The following SFXN5 variants were observed in gnomAD, a reference collection of about 807,000 sequenced individuals.
SFXN5 encodes sideroflexin-5.
Under a neutral mutation model 50.2 loss-of-function variants are expected in SFXN5, and 43 were observed. That is an observed-to-expected ratio of 0.86 (90% CI 0.67 to 1.11). SFXN5 has a LOEUF of 1.11. SFXN5 is among the 50% of genes least tolerant of loss of function. SFXN5 has a pLI of 0.00. For missense variants in SFXN5, 463 were observed against 454.1 expected (o/e 1.02, Z -0.18); for synonymous variants, 203 against 185.8 (o/e 1.09, Z -0.75).
intron 10 of SFXN5, among the ~76,000 whole-genome samples, chr2:72,985,645 G>T (rs1671827952): frequency 6.6e-6 from 1 of 152,146 alleles, no homozygotes; most frequent in Non-Finnish European, 1.5e-5. Flanking sequence ...GCCAGAGGAA[G>T]AAGCCACAAA....
intron 10 of SFXN5, among the ~76,000 whole-genome samples, chr2:72,987,678 C>G (rs1574041665): frequency 6.6e-6 from 1 of 152,198 alleles, no homozygotes; most frequent in East Asian, 2.0e-4. Context: ...TTGCTTGAAG[C>G]TGGGAGGTGG....
rs761177267 is a variant in SFXN5 at position 73,058,613 on chromosome 2, G to C, written c.103-17C>G. On this transcript the variant is annotated splice_polypyrimidine_tract_variant and intron_variant, in intron 1 of 13. Coordinates refer to ENST00000272433, the MANE Select transcript of SFXN5 (RefSeq NM_144579.3). Reference sequence around the variant, plus strand: ...GAAGGACGTCTGAAGAAGAGGATGAGAGAGAAGAGTGAATGGATCAGCTGC... The same window carrying C: ...GAAGGACGTCTGAAGAAGAGGATGACAGAGAAGAGTGAATGGATCAGCTGC... The C allele has an allele frequency of 1.2e-6, 2 of 1,612,520 alleles. No homozygotes were observed. The highest frequency in any genetic ancestry group is 1.7e-6 in the Non-Finnish European group (2 of 1,178,592).
chr2:73,000,417 G>T lies in SFXN5; in HGVS notation c.468+14C>A. Reference sequence around the variant, plus strand: ...CCTGAACCCCACCACTGGGGAGAGGGCAGTGATGCTCACCTTGGTCGCATT... The same window carrying T: ...CCTGAACCCCACCACTGGGGAGAGGTCAGTGATGCTCACCTTGGTCGCATT... On this transcript the variant is annotated intron_variant, in intron 8 of 13. Coordinates refer to ENST00000272433, the MANE Select transcript of SFXN5 (RefSeq NM_144579.3). The T allele has an allele frequency of 6.4e-7, 1 of 1,554,442 alleles. No individual in the cohort carries two copies. The highest frequency in any genetic ancestry group is 8.7e-7 in the Non-Finnish European group (1 of 1,148,128).
chr2:73,050,894 G>A (rs932805475), intron 2 of SFXN5, among the ~76,000 whole-genome samples: 7 of 151,962 alleles, frequency 4.6e-5, no homozygotes, highest in Non-Finnish European at 1.0e-4. Flanking sequence ...GAATTGTTTC[G>A]CTCTTCTTAC....
intron 2 of SFXN5, among the ~76,000 whole-genome samples, chr2:73,044,798 A>AT (rs1680107645): frequency 3.3e-5 from 5 of 152,146 alleles, no homozygotes; most frequent in Non-Finnish European, 1.5e-5. Flanking sequence ...CCCTCCATGT[A>AT]TTTGAGAGGG....
At chr2:73,022,643 GA>G in intron 4 of SFXN5, 67 bp from the exon 5 acceptor site, 2 of 459,790 alleles carry the variant, frequency 4.3e-6, no homozygotes, top group East Asian at 6.3e-5. Context: ...GGGGAAGGGG[GA>G]GGGAGGAGGG....
chr2:72,960,704 C>T lies in SFXN5; in HGVS notation c.945+427G>A, dbSNP rs533709642. Among the ~76,000 whole-genome samples the T allele has an allele frequency of 1.3e-5, 2 of 152,316 alleles. No individual in the cohort carries two copies. Among genetic ancestry groups the T allele is most frequent in the Admixed American group, 1.3e-4 (2 of 15,302 alleles). On this transcript the variant is annotated intron_variant, in intron 13 of 13. Transcript: ENST00000272433. The surrounding 1 kb of genome is among the most constrained non-coding windows in gnomAD (Gnocchi z 6.1). ...CTTGCTGCACTCCCTGGTTGCGCTGCAGACTTTGGTCAGCTCTTGGACATG... is the reference window on the plus strand; with the variant it reads ...CTTGCTGCACTCCCTGGTTGCGCTGTAGACTTTGGTCAGCTCTTGGACATG...
At chr2:72,968,361 T>C in intron 12 of SFXN5, 87 bp downstream of exon 12, 1 of 1,270,758 alleles carries the variant, frequency 7.9e-7, no homozygotes, top group Non-Finnish European at 1.1e-6. Context: ...TGCCACCCCC[T>C]CATCTCTTGC....
chr2:73,059,847 A>ACAATC (rs1286623205), intron 1 of SFXN5: 1 of 964,350 alleles, frequency 1.0e-6, no homozygotes, highest in Non-Finnish European at 1.2e-6. Context: ...GTCTAAGGAA[A>ACAATC]CAATCCAAGA....
intron 5 of SFXN5, among the ~76,000 whole-genome samples, chr2:73,021,598 C>T (rs765141934): frequency 2.0e-5 from 3 of 152,198 alleles, no homozygotes; most frequent in Non-Finnish European, 2.9e-5. Flanking sequence ...CCATCAACTT[C>T]CTGGTTGTTT....
At chr2:73,058,437 C>A (rs1222191846) in intron 2 of SFXN5, 91 bp downstream of exon 2, 5 of 1,243,900 alleles carry the variant, frequency 4.0e-6, no homozygotes, top group Non-Finnish European at 5.9e-6. Flanking sequence ...CTCTTCACTC[C>A]CCCATCCTCA....
chr2:72,969,384 T>G (rs563186145), intron 11 of SFXN5, among the ~76,000 whole-genome samples: 23 of 152,156 alleles, frequency 1.5e-4, no homozygotes, highest in Non-Finnish European at 2.6e-4. Context: ...TTTTTTGTTG[T>G]TGGTGTTTTT....
chr2:72,983,726 T>C (rs1488950634), intron 10 of SFXN5, among the ~76,000 whole-genome samples: 3 of 152,116 alleles, frequency 2.0e-5, no homozygotes, highest in East Asian at 1.9e-4. Context: ...GCCCCACCCA[T>C]TGCTGTCAAC....
chr2:72,968,001 G>T (rs1674645229), intron 12 of SFXN5, among the ~76,000 whole-genome samples: 1 of 152,076 alleles, frequency 6.6e-6, no homozygotes, highest in Admixed American at 6.6e-5. Context: ...TCAGTAAGGT[G>T]GTGATTTGCC....
chr2:72,963,485 G>A (rs993488864), intron 12 of SFXN5, among the ~76,000 whole-genome samples: 5 of 151,822 alleles, frequency 3.3e-5, no homozygotes, highest in South Asian at 2.1e-4. Flanking sequence ...CAGGAGCCTC[G>A]GAAGCCCCAG....
rs1482230529 is a variant in SFXN5 at position 73,060,283 on chromosome 2, A to G, written c.103-1687T>C. 2.6e-5 allele frequency among the ~76,000 whole-genome samples: 4 copies of G among 152,216 alleles called. No homozygotes were observed. The East Asian group carries it at 7.7e-4, about 29-fold the overall frequency. On this transcript the variant is annotated intron_variant, in intron 1 of 13. Coordinates refer to ENST00000272433, the MANE Select transcript of SFXN5 (RefSeq NM_144579.3). ...TGATGGGGATATGTTAAAAGGATCAACGAAGGGCAGGTGGGACACTGTGTT... is the reference window on the plus strand; with the variant it reads ...TGATGGGGATATGTTAAAAGGATCAGCGAAGGGCAGGTGGGACACTGTGTT...
chr2:72,944,917 G>T lies in SFXN5; in HGVS notation c.*105C>A. 9.7e-7 allele frequency: 1 copy of T among 1,027,480 alleles called. No homozygotes were observed. Among genetic ancestry groups the T allele is most frequent in the Non-Finnish European group, 1.5e-6 (1 of 685,186 alleles). 63.6% of individuals were successfully genotyped at this position (1,027,480 alleles called of 1,614,324 possible). On this transcript the variant is annotated 3_prime_UTR_variant, in exon 14 of 14. Transcript: ENST00000272433. ...GCACTCTCCCAGGGGGCCCAGGACTGCTGGGGTTGGCGTGCTGCTCCCTGC... is the reference window on the plus strand; with the variant it reads ...GCACTCTCCCAGGGGGCCCAGGACTTCTGGGGTTGGCGTGCTGCTCCCTGC...
At chr2:73,062,985 C>T (rs958125621) in intron 1 of SFXN5, among the ~76,000 whole-genome samples, 4 of 152,204 alleles carry the variant, frequency 2.6e-5, no homozygotes, top group African/African-American at 9.6e-5. Flanking sequence ...GTGTGCCCAG[C>T]ACTGTGCTAG....
At chr2:73,055,805 G>A (rs954927174) in intron 2 of SFXN5, among the ~76,000 whole-genome samples, 2 of 152,068 alleles carry the variant, frequency 1.3e-5, no homozygotes, top group Non-Finnish European at 2.9e-5. Context: ...TTTCAGTAGA[G>A]ACCGGGTTTC....
Sources: gnomAD v4.1 joint callset for allele counts (sites outside exome capture counted in the v4.1 genomes callset) on GRCh38, gnomAD v4.1.1 for gene constraint, Gnocchi (gnomAD v3.1) non-coding constraint, MANE v1.5 for transcripts, NCBI Gene and HGNC (gene_info 2026-07-23, HGNC 2026-07-21) for gene names.